Variants in RPS6KB1 observed in about 807,000 individuals in gnomAD.
RPS6KB1 encodes the protein ribosomal protein S6 kinase beta-1.
A neutral mutation model predicts 70.2 loss-of-function variants in RPS6KB1; 12 were observed. The observed-to-expected ratio is 0.17, with a 90% CI of 0.11 to 0.28. The LOEUF is 0.28. Among genes scored for constraint, RPS6KB1 ranks in the 10% least tolerant of loss-of-function variants. The probability of loss-of-function intolerance (pLI) is 1.00; values close to 1 mark genes in which losing one functional copy is unlikely to be tolerated. For synonymous variants in RPS6KB1, 175 were observed against 211.2 expected (o/e 0.83, Z 1.49); for missense variants, 270 against 646.6 (o/e 0.42, Z 6.32).
In RPS6KB1 at chr17:59,936,443, T is replaced by A. The variant is rs201704983; in HGVS notation, c.1042-21T>A. 2.2e-3 allele frequency: 3,558 copies of A among 1,611,686 alleles called. 67 individuals carry two copies. The South Asian group carries it at 0.027, about 12-fold the overall frequency. ...CAAAGTCTAGTCCCCTCAACTTTTCTTCCTGCTTTTTTTTTCCTAGGCTCA... is the reference window on the plus strand; with the variant it reads ...CAAAGTCTAGTCCCCTCAACTTTTCATCCTGCTTTTTTTTTCCTAGGCTCA... On this transcript the variant is annotated intron_variant, in intron 11 of 14. Transcript: ENST00000225577.
At chr17:59,941,505 G>T (rs2044581752) in intron 13 of RPS6KB1, among the ~76,000 whole-genome samples, 1 of 151,802 alleles carries the variant, frequency 6.6e-6, no homozygotes, top group South Asian at 2.1e-4. Flanking sequence ...TTTTTTTGTA[G>T]AGACAGAGTC....
intron 4 of RPS6KB1, among the ~76,000 whole-genome samples, chr17:59,921,129 A>C (rs2043242263): frequency 6.6e-6 from 1 of 152,166 alleles, no homozygotes; most frequent in Non-Finnish European, 1.5e-5. Flanking sequence ...AGTGAAAAAA[A>C]GAGTGCTTGT....
intron 5 of RPS6KB1, among the ~76,000 whole-genome samples, chr17:59,928,744 C>G (rs2043768909): frequency 6.6e-6 from 1 of 152,182 alleles, no homozygotes; most frequent in Non-Finnish European, 1.5e-5. Context: ...GCAATTATAA[C>G]TCTTCTTAGT....
chr17:59,914,800 G>A, intron 4 of RPS6KB1, 97 bp downstream of exon 4: 1 of 1,003,472 alleles, frequency 1.0e-6, no homozygotes, highest in Non-Finnish European at 1.5e-6. Flanking sequence ...ATTTTTAATT[G>A]TTGTAACATT....
intron 4 of RPS6KB1, among the ~76,000 whole-genome samples, chr17:59,920,250 G>A (rs754062173): frequency 1.1e-4 from 16 of 151,810 alleles, no homozygotes; most frequent in Admixed American, 1.1e-3. Flanking sequence ...ACTCCTGACC[G>A]CAGGTGATCC....
intron 12 of RPS6KB1, among the ~76,000 whole-genome samples, chr17:59,940,119 A>G (rs1598822248): frequency 6.6e-6 from 1 of 152,132 alleles, no homozygotes; most frequent in Non-Finnish European, 1.5e-5. Context: ...ACTCTGCTTC[A>G]GTAGTTTTTC....
At chr17:59,941,713 A>G (rs1011021944) in intron 13 of RPS6KB1, among the ~76,000 whole-genome samples, 30 of 149,818 alleles carry the variant, frequency 2.0e-4, no homozygotes, top group Admixed American at 4.7e-4. Context: ...AGCTCACTGC[A>G]ACTTCTGCCT....
At position 59,919,604 on chromosome 17, in the gene RPS6KB1, G is replaced by A. The variant is rs1004677279; in HGVS notation, c.381+4901G>A. The stretch of plus-strand genomic sequence containing the variant: ...ATGGAGATCTTACCTCTCAACACGC[G>A]GACTTTCACTAAACTCGAGTTTTTA... On this transcript the variant is annotated intron_variant, in intron 4 of 14. Transcript: ENST00000225577. 5.3e-5 allele frequency among the ~76,000 whole-genome samples: 8 copies of A among 152,076 alleles called. No homozygotes were observed. In the East Asian group the frequency reaches 7.7e-4, roughly 15 times the overall value.
chr17:59,901,545 TTTGGGAGG>T (rs1433218042), intron 1 of RPS6KB1, among the ~76,000 whole-genome samples: 44 of 149,154 alleles, frequency 2.9e-4, no homozygotes, highest in African/African-American at 1.1e-3. Flanking sequence ...ATCCCAGTAC[TTTGGGAGG>T]CCAAGGCAGA....
At position 59,947,046 on chromosome 17, in the gene RPS6KB1, T is replaced by G. The variant is rs1303570778; in HGVS notation, c.*258T>G. The G allele has an allele frequency of 1.5e-6, 2 of 1,299,488 alleles. No homozygotes were observed. The highest frequency in any genetic ancestry group is 2.0e-6 in the Non-Finnish European group (2 of 1,016,932). The allele number at this position is 1,299,488 out of a possible 1,614,324, so 80.5% of individuals were successfully genotyped here. ...TCCTCGCGACATCTTCTCAACCTTATCAAGGATTTTCATGTTGATGACTCG... is the reference window on the plus strand; with the variant it reads ...TCCTCGCGACATCTTCTCAACCTTAGCAAGGATTTTCATGTTGATGACTCG... On this transcript the variant is annotated 3_prime_UTR_variant, in exon 15 of 15. Transcript: ENST00000225577.
chr17:59,936,108 A>G, intron 10 of RPS6KB1, 107 bp from the exon 11 acceptor site: 1 of 1,025,374 alleles, frequency 9.8e-7, no homozygotes, highest in South Asian at 1.4e-5. Flanking sequence ...TGCCTGGCCA[A>G]TAAACTATAT....
intron 13 of RPS6KB1, among the ~76,000 whole-genome samples, chr17:59,943,558 C>A (rs529656435): frequency 6.6e-6 from 1 of 152,100 alleles, no homozygotes; most frequent in East Asian, 1.9e-4. Context: ...GAATTCTCTA[C>A]ATAAAGTGGA....
intron 13 of RPS6KB1, among the ~76,000 whole-genome samples, chr17:59,944,410 A>G (rs780275453): frequency 4.6e-5 from 7 of 152,200 alleles, no homozygotes; most frequent in Non-Finnish European, 8.8e-5. Flanking sequence ...GTTGATACTT[A>G]TTCATCAAGA....
At chr17:59,942,025 A>AT (rs1470452907) in intron 13 of RPS6KB1, among the ~76,000 whole-genome samples, 1 of 151,992 alleles carries the variant, frequency 6.6e-6, no homozygotes, top group Non-Finnish European at 1.5e-5. Context: ...CGCCAGGCTA[A>AT]TTTTTTGTAT....
intron 12 of RPS6KB1, among the ~76,000 whole-genome samples, chr17:59,938,183 T>C (rs426271): frequency 4.3e-5 from 5 of 114,978 alleles, no homozygotes; most frequent in Non-Finnish European, 8.9e-5. Context: ...TTTTTTTTTT[T>C]TGGGGGGGGG....
At chr17:59,896,559 T>C (rs8071475) in intron 1 of RPS6KB1, among the ~76,000 whole-genome samples, 41,355 of 152,016 alleles carry the variant, frequency 0.27, 5,764 homozygotes, top group Middle Eastern at 0.41. Context: ...TTTCACTTTC[T>C]TGTGTTTCAA....
chr17:59,904,549 A>G (rs1598662258), intron 1 of RPS6KB1, among the ~76,000 whole-genome samples: 1 of 151,094 alleles, frequency 6.6e-6, no homozygotes, highest in East Asian at 1.9e-4. Context: ...GCCCATCACC[A>G]CGCCCAGCTA....
At chr17:59,922,551 CTTT>C (rs71145590) in intron 4 of RPS6KB1, among the ~76,000 whole-genome samples, 3 of 80,386 alleles carry the variant, frequency 3.7e-5, no homozygotes, top group South Asian at 4.5e-4. Flanking sequence ...TTTTATACTC[CTTT>C]TTTTTTTTTT....
intron 1 of RPS6KB1, chr17:59,906,993 C>T (rs148272929): frequency 1.8e-3 from 263 of 150,272 alleles, no homozygotes; most frequent in Non-Finnish European, 3.0e-3. Flanking sequence ...TTGCCCGGTC[C>T]CTTGCATTTC....
Sources: allele counts gnomAD v4.1 joint callset (sites outside exome capture counted in the v4.1 genomes callset), GRCh38; gene constraint gnomAD v4.1.1; transcripts MANE v1.5; gene names NCBI Gene and HGNC (gene_info 2026-07-23, HGNC 2026-07-21).